Variants in LRRTM4 observed in about 807,000 individuals in gnomAD.
LRRTM4 encodes leucine-rich repeat transmembrane neuronal protein 4.
In LRRTM4, 25 loss-of-function variants were observed where a neutral mutation model predicts 47.6. That is an observed-to-expected ratio of 0.53 (90% CI 0.38 to 0.73). LRRTM4 has a LOEUF of 0.73. LRRTM4 is among the 30% of genes least tolerant of loss of function. The probability of loss-of-function intolerance (pLI) is 0.00; values close to 1 mark genes in which losing one functional copy is unlikely to be tolerated. For synonymous variants in LRRTM4, 311 were observed against 269.5 expected (o/e 1.15, Z -1.51); for missense variants, 638 against 713.4 (o/e 0.89, Z 1.20).
chr2:77,195,738 T>A (rs1002364103), intron 3 of LRRTM4, among the ~76,000 whole-genome samples: 1 of 152,164 alleles, frequency 6.6e-6, no homozygotes, highest in Non-Finnish European at 1.5e-5. Flanking sequence ...TTATCTGTGA[T>A]TCTAATTTTT....
intron 3 of LRRTM4, among the ~76,000 whole-genome samples, chr2:77,018,259 CTTTTTT>C (rs59294966): frequency 5.3e-5 from 4 of 75,036 alleles, no homozygotes; most frequent in African/African-American, 1.6e-4. Context: ...CTCTTGATTG[CTTTTTT>C]TTTTTTTTTT....
intron 3 of LRRTM4, among the ~76,000 whole-genome samples, chr2:76,808,856 G>A (rs1326655236): frequency 1.3e-5 from 2 of 152,040 alleles, no homozygotes; most frequent in South Asian, 2.1e-4. Context: ...AAAATAGATG[G>A]CAATCTTCCC....
chr2:77,494,559 A>AC (rs1678288656), intron 3 of LRRTM4, among the ~76,000 whole-genome samples: 1 of 151,230 alleles, frequency 6.6e-6, no homozygotes. Flanking sequence ...CACTCTGAAA[A>AC]ATCCCCAGAT....
chr2:77,015,961 T>A (rs928096146), intron 3 of LRRTM4, among the ~76,000 whole-genome samples: 9 of 151,352 alleles, frequency 5.9e-5, no homozygotes, highest in Admixed American at 5.9e-4. Flanking sequence ...TACTAAATAA[T>A]CTGTAATCTA....
chr2:77,517,243 C>A (rs779109083), intron 3 of LRRTM4: 1 of 984,600 alleles, frequency 1.0e-6, no homozygotes, highest in East Asian at 1.1e-4. Context: ...AATCAGAAAC[C>A]GGGTCCAAAT....
chr2:77,270,533 T>G (rs1294408107), intron 3 of LRRTM4, among the ~76,000 whole-genome samples: 1 of 152,164 alleles, frequency 6.6e-6, no homozygotes, highest in South Asian at 2.1e-4. Flanking sequence ...TAGGAGAAAA[T>G]GTCTGCTCCT....
At chr2:76,758,515 T>C (rs918967343) in intron 3 of LRRTM4, among the ~76,000 whole-genome samples, 4 of 152,088 alleles carry the variant, frequency 2.6e-5, no homozygotes, top group Non-Finnish European at 4.4e-5. Context: ...AAAAGAGGCA[T>C]TGAGATGTAT....
At chr2:76,858,030 G>T (rs1037283689) in intron 3 of LRRTM4, among the ~76,000 whole-genome samples, 2 of 152,016 alleles carry the variant, frequency 1.3e-5, no homozygotes, top group South Asian at 2.1e-4. Flanking sequence ...TATAACAATT[G>T]AAACAGTATA....
rs926037801 is a variant in LRRTM4, at chr2:77,423,401, T to G, written c.1551+94917A>C. ...TTACTGATACATGAAGACAAATCAC[T>G]CTCTGTAGATATGAAAAATGCATTT... On this transcript the variant is annotated intron_variant, in intron 3 of 3. Coordinates refer to ENST00000409884, the MANE Select transcript of LRRTM4 (RefSeq NM_001134745.3). Among the ~76,000 whole-genome samples, 11 of 152,136 alleles carry G rather than the reference T, an allele frequency of 7.2e-5. No homozygotes were observed. The East Asian group carries it at 2.1e-3, about 29-fold the overall frequency.
At chr2:77,124,505 A>C (rs1176502248) in intron 3 of LRRTM4, among the ~76,000 whole-genome samples, 7 of 152,126 alleles carry the variant, frequency 4.6e-5, no homozygotes, top group African/African-American at 1.2e-4. Context: ...CTTACTGTCA[A>C]TGAGCCAATT....
intron 3 of LRRTM4, among the ~76,000 whole-genome samples, chr2:76,888,153 A>G (rs1463158420): frequency 6.6e-6 from 1 of 150,790 alleles, no homozygotes; most frequent in Non-Finnish European, 1.5e-5. Flanking sequence ...ACCTATACAT[A>G]TTTGTGGGTG....
intron 3 of LRRTM4, among the ~76,000 whole-genome samples, chr2:77,277,455 T>A (rs1676392673): frequency 6.6e-6 from 1 of 152,050 alleles, no homozygotes; most frequent in Non-Finnish European, 1.5e-5. Flanking sequence ...AAGATATCCA[T>A]CTTTTATTAA....
chr2:77,160,778 C>T (rs1672705086), intron 3 of LRRTM4, among the ~76,000 whole-genome samples: 1 of 152,174 alleles, frequency 6.6e-6, no homozygotes, highest in Non-Finnish European at 1.5e-5. Context: ...AAACTGCCCT[C>T]ATAAAATTAA....
At chr2:77,345,629 A>G (rs932966475) in intron 3 of LRRTM4, among the ~76,000 whole-genome samples, 1 of 152,044 alleles carries the variant, frequency 6.6e-6, no homozygotes, top group African/African-American at 2.4e-5. Flanking sequence ...AGTAGGATGA[A>G]ACAACAACAA....
chr2:77,201,672 A>G (rs920235111), intron 3 of LRRTM4, among the ~76,000 whole-genome samples: 3 of 152,120 alleles, frequency 2.0e-5, no homozygotes, highest in African/African-American at 7.2e-5. Context: ...TTAAAAAGTC[A>G]TAAGAGCAAA....
chr2:76,781,848 C>T (rs1674413676), intron 3 of LRRTM4, among the ~76,000 whole-genome samples: 1 of 152,054 alleles, frequency 6.6e-6, no homozygotes, highest in African/African-American at 2.4e-5. Context: ...AAAATCTATT[C>T]AGGTAAATAT....
At chr2:76,806,969 C>T (rs1170696480) in intron 3 of LRRTM4, among the ~76,000 whole-genome samples, 1 of 151,952 alleles carries the variant, frequency 6.6e-6, no homozygotes, top group East Asian at 1.9e-4. Flanking sequence ...AGAGAAATAT[C>T]AATTAAAAAT....
intron 3 of LRRTM4, among the ~76,000 whole-genome samples, chr2:77,200,621 G>C (rs1673946982): frequency 6.6e-6 from 1 of 152,000 alleles, no homozygotes; most frequent in East Asian, 1.9e-4. Flanking sequence ...TTTGGCTAGG[G>C]TAAAAATGTT....
intron 3 of LRRTM4, among the ~76,000 whole-genome samples, chr2:76,812,565 C>G (rs1261125764): frequency 6.6e-6 from 1 of 152,012 alleles, no homozygotes; most frequent in African/African-American, 2.4e-5. Context: ...TTGATAAGAG[C>G]CTGTATTACC....
Sources: allele counts gnomAD v4.1 joint callset (sites outside exome capture counted in the v4.1 genomes callset), GRCh38; gene constraint gnomAD v4.1.1; transcripts MANE v1.5; gene names NCBI Gene and HGNC (gene_info 2026-07-23, HGNC 2026-07-21).